Variants in ULK4 observed in about 807,000 individuals in gnomAD.
ULK4 encodes the protein unc-51 like kinase 4.
A neutral mutation model predicts 160.6 loss-of-function variants in ULK4; 133 were observed. The ratio of observed to expected loss-of-function variants is 0.83; its 90% CI spans 0.72 to 0.96. The LOEUF (loss-of-function observed/expected upper bound fraction) is 0.96. ULK4 is among the 40% of genes least tolerant of loss of function. The pLI, the probability that ULK4 is intolerant of heterozygous loss-of-function variation, is 0.00. For missense variants in ULK4, 1,580 were observed against 1,499.5 expected (o/e 1.05, Z -0.89); for synonymous variants, 534 against 539.8 (o/e 0.99, Z 0.15).
In ULK4 at chr3:41,388,692, C is replaced by T. The variant is rs566188780; in HGVS notation, c.3678+9387G>A. ...CAAAGATCAGATAGTTGTAGATATG[C>T]GGCATTATTTCTGAGGGCTCTGTTC... On this transcript the variant is annotated intron_variant, in intron 35 of 36. Transcript: ENST00000301831. Among the ~76,000 whole-genome samples the T allele has an allele frequency of 2.0e-3, 302 of 151,792 alleles. 3 individuals are homozygous for T. The highest frequency in any genetic ancestry group is 0.01 in the Middle Eastern group (3 of 294).
intron 17 of ULK4, among the ~76,000 whole-genome samples, chr3:41,869,838 G>A (rs549552101): frequency 7.2e-5 from 11 of 151,922 alleles, no homozygotes; most frequent in African/African-American, 2.7e-4. Context: ...GTAAACCCAG[G>A]TTTATATTTG....
chr3:41,265,390 G>A (rs751844793), intron 35 of ULK4, among the ~76,000 whole-genome samples: 3 of 152,218 alleles, frequency 2.0e-5, no homozygotes, highest in Non-Finnish European at 2.9e-5. Flanking sequence ...GTAGGGCCAC[G>A]CAAACTCAGT....
chr3:41,483,294 C>T (rs1285120239), intron 32 of ULK4, among the ~76,000 whole-genome samples: 1 of 152,044 alleles, frequency 6.6e-6, no homozygotes, highest in African/African-American at 2.4e-5. Context: ...ATTTTATTTA[C>T]CTCCATCTCT....
At chr3:41,468,924 G>C (rs1441141536) in intron 32 of ULK4, among the ~76,000 whole-genome samples, 2 of 152,208 alleles carry the variant, frequency 1.3e-5, no homozygotes, top group African/African-American at 4.8e-5. Flanking sequence ...AAAGCCATCA[G>C]GACATAGATA....
intron 32 of ULK4, among the ~76,000 whole-genome samples, chr3:41,495,359 A>T (rs1194948505): frequency 6.6e-6 from 1 of 152,114 alleles, no homozygotes; most frequent in Non-Finnish European, 1.5e-5. Flanking sequence ...TGGTGCTGGG[A>T]AAACTGGCTA....
chr3:41,557,904 T>C (rs1232014513), intron 32 of ULK4, among the ~76,000 whole-genome samples: 1 of 152,052 alleles, frequency 6.6e-6, no homozygotes, highest in African/African-American at 2.4e-5. Flanking sequence ...GCATAAGACC[T>C]ATATAAAGAA....
intron 30 of ULK4, among the ~76,000 whole-genome samples, chr3:41,644,986 T>G (rs1453800714): frequency 3.0e-3 from 458 of 151,570 alleles, no homozygotes; most frequent in Non-Finnish European, 5.2e-3. Context: ...TGTGTAGAGG[T>G]GTTTGTAGTA....
At chr3:41,383,295 C>T (rs1263390322) in intron 35 of ULK4, among the ~76,000 whole-genome samples, 1 of 152,054 alleles carries the variant, frequency 6.6e-6, no homozygotes, top group East Asian at 1.9e-4. Flanking sequence ...GACAGGTTTT[C>T]ACCATGTTTG....
intron 25 of ULK4, among the ~76,000 whole-genome samples, chr3:41,710,574 A>C (rs1424516593): frequency 6.6e-6 from 1 of 152,016 alleles, no homozygotes; most frequent in Non-Finnish European, 1.5e-5. Context: ...CAGGCGGATC[A>C]CTTGAGGTCA....
chr3:41,458,374 G>A (rs188998926), intron 33 of ULK4, among the ~76,000 whole-genome samples: 23 of 152,244 alleles, frequency 1.5e-4, no homozygotes, highest in Admixed American at 1.4e-3. Context: ...CACAGTAAGT[G>A]TTGAATTGAT....
chr3:41,584,597 T>C (rs2030650423), intron 31 of ULK4, among the ~76,000 whole-genome samples: 1 of 152,112 alleles, frequency 6.6e-6, no homozygotes, highest in Non-Finnish European at 1.5e-5. Context: ...AAGAAATAAC[T>C]ATTAATATGT....
intron 34 of ULK4, among the ~76,000 whole-genome samples, chr3:41,455,088 G>T (rs2083513789): frequency 6.6e-6 from 1 of 151,992 alleles, no homozygotes; most frequent in Non-Finnish European, 1.5e-5. Context: ...CATTTCTATT[G>T]AGATTGAGGG....
intron 17 of ULK4, among the ~76,000 whole-genome samples, chr3:41,869,512 T>C (rs143283176): frequency 8.6e-4 from 131 of 152,128 alleles, no homozygotes; most frequent in South Asian, 1.0e-3. Flanking sequence ...ACCCAGGAGG[T>C]AGAGGTGCAA....
chr3:41,666,950 C>G (rs575864277), intron 29 of ULK4, among the ~76,000 whole-genome samples: 42 of 151,976 alleles, frequency 2.8e-4, no homozygotes, highest in African/African-American at 8.2e-4. Context: ...TGAGACCAGC[C>G]TGGACAACAT....
chr3:41,486,391 A>C (rs2084533135), intron 32 of ULK4, among the ~76,000 whole-genome samples: 1 of 152,214 alleles, frequency 6.6e-6, no homozygotes, highest in South Asian at 2.1e-4. Context: ...GAAATAAACA[A>C]AGGTAACCCA....
At chr3:41,765,415 GGGGAGTGGGGA>G (rs2039127128) in intron 21 of ULK4, among the ~76,000 whole-genome samples, 1 of 151,514 alleles carries the variant, frequency 6.6e-6, no homozygotes, top group African/African-American at 2.4e-5. Context: ...TCATGGGGTG[GGGGAGTGGGGA>G]GGGATAGCAT....
chr3:41,445,999 A>C (rs1190057252), intron 34 of ULK4, among the ~76,000 whole-genome samples: 2 of 152,144 alleles, frequency 1.3e-5, no homozygotes, highest in African/African-American at 2.4e-5. Flanking sequence ...AATATCAAGA[A>C]TCTACAATGA....
At position 41,877,630 on chromosome 3, in the gene ULK4, TTTTAGC is replaced by T. The variant is rs1220028058; in HGVS notation, c.1656+6238_1656+6243del. Among the ~76,000 whole-genome samples the T allele has an allele frequency of 2.0e-5, 3 of 151,904 alleles. No homozygotes were observed. In the East Asian group the frequency reaches 5.8e-4, roughly 29 times the overall value. On this transcript the variant is annotated intron_variant, in intron 17 of 36. Coordinates refer to ENST00000301831, the MANE Select transcript of ULK4 (RefSeq NM_017886.4). ...CATGAGCCACCGCCCCAGCCAGGAA[TTTTAGC>T]TTATGAGAAGAAAAATAAAAATTGT...
chr3:41,396,626 G>T (rs6800030), intron 35 of ULK4, among the ~76,000 whole-genome samples: 2 of 151,890 alleles, frequency 1.3e-5, no homozygotes, highest in African/African-American at 4.8e-5. Flanking sequence ...GATTAGAGGG[G>T]TGTTAAAGAC....
Sources: gnomAD v4.1 joint callset for allele counts (sites outside exome capture counted in the v4.1 genomes callset) on GRCh38, gnomAD v4.1.1 for gene constraint, MANE v1.5 for transcripts, NCBI Gene and HGNC (gene_info 2026-07-23, HGNC 2026-07-21) for gene names.